Variants in DPYD observed in about 807,000 individuals in gnomAD.
The protein encoded by DPYD is dihydropyrimidine dehydrogenase, also known as dihydropyrimidine dehydrogenase [NADP(+)].
A neutral mutation model predicts 116.2 loss-of-function variants in DPYD; 109 were observed. The observed-to-expected ratio is 0.94, with a 90% confidence interval of 0.80 to 1.10. The LOEUF (loss-of-function observed/expected upper bound fraction) is 1.10. Ranked by LOEUF, DPYD falls within the 50% of genes least tolerant of loss-of-function variation. The pLI is 0.00. For synonymous variants in DPYD, 440 were observed against 432.0 expected (o/e 1.02, Z -0.23); for missense variants, 1,302 against 1,254.5 (o/e 1.04, Z -0.57).
intron 20 of DPYD, among the ~76,000 whole-genome samples, chr1:97,102,483 C>CTATA (rs1553213419): frequency 2.3e-4 from 18 of 78,914 alleles, no homozygotes; most frequent in African/African-American, 8.4e-4. Flanking sequence ...ATCTATCTAT[C>CTATA]TATCTATCTA....
chr1:97,202,586 A>G (rs186430315), intron 19 of DPYD, among the ~76,000 whole-genome samples: 1 of 152,320 alleles, frequency 6.6e-6, no homozygotes. Flanking sequence ...GCAGCATATG[A>G]TGGGCCACCC....
intron 19 of DPYD, among the ~76,000 whole-genome samples, chr1:97,227,982 C>T (rs1260252727): frequency 6.6e-6 from 1 of 151,790 alleles, no homozygotes; most frequent in African/African-American, 2.4e-5. Context: ...GGATTTACAA[C>T]CATCATTTTT....
At chr1:97,806,044 C>T (rs1031547393) in intron 3 of DPYD, among the ~76,000 whole-genome samples, 3 of 151,802 alleles carry the variant, frequency 2.0e-5, no homozygotes, top group Non-Finnish European at 4.4e-5. Context: ...AAATAAATGA[C>T]AGTAATGATA....
In DPYD at chr1:97,549,626, A is replaced by T; in HGVS notation, c.1458T>A (p.Ala486=). ...CATTCACCGATTCCACTGTAGTGTTAGCCAAACCAACGACATCACCACCTG... is the reference window on the plus strand; with the variant it reads ...CATTCACCGATTCCACTGTAGTGTTTGCCAAACCAACGACATCACCACCTG... ...VFAGGDVVGL[A]NTTVESVNDG... Residue 486 remains alanine (A), a synonymous_variant, in exon 12 of 23, where the codon GCT becomes GCA. Coordinates refer to ENST00000370192, the MANE Select transcript of DPYD (RefSeq NM_000110.4). The T allele has an allele frequency of 6.2e-7, 1 of 1,613,928 alleles. No individual in the cohort carries two copies. The highest frequency in any genetic ancestry group is 8.5e-7 in the Non-Finnish European group (1 of 1,179,876).
At chr1:97,600,141 T>G (rs111460739) in intron 8 of DPYD, among the ~76,000 whole-genome samples, 1,645 of 152,270 alleles carry the variant, frequency 0.011, 31 homozygotes, top group African/African-American at 0.037. Flanking sequence ...CAGGTGCTTT[T>G]TCAATAAGAC....
At chr1:97,550,669 A>G (rs1651254658) in intron 11 of DPYD, among the ~76,000 whole-genome samples, 1 of 152,166 alleles carries the variant, frequency 6.6e-6, no homozygotes, top group Admixed American at 6.6e-5. Context: ...TTTTAAGCAC[A>G]GCATCTCAGA....
chr1:97,785,583 G>T (rs1333672081), intron 3 of DPYD, among the ~76,000 whole-genome samples: 2 of 150,062 alleles, frequency 1.3e-5, no homozygotes, highest in African/African-American at 4.9e-5. Context: ...ACCTAAATAT[G>T]CAGTGAGTTT....
chr1:97,817,065 C>T (rs773419142), intron 3 of DPYD, among the ~76,000 whole-genome samples: 1 of 152,118 alleles, frequency 6.6e-6, no homozygotes, highest in Non-Finnish European at 1.5e-5. Flanking sequence ...ATCCAGATGG[C>T]TGCCTGTCTT....
intron 2 of DPYD, among the ~76,000 whole-genome samples, chr1:97,881,147 C>T (rs1672198207): frequency 6.6e-6 from 1 of 152,060 alleles, no homozygotes; most frequent in East Asian, 1.9e-4. Flanking sequence ...GAAGTCCTAA[C>T]CCCCACTATC....
intron 16 of DPYD, among the ~76,000 whole-genome samples, chr1:97,327,755 CTTAA>C (rs67005287): frequency 0.015 from 2,270 of 151,950 alleles, 35 homozygotes; most frequent in South Asian, 0.024. Flanking sequence ...CCCTATTTTA[CTTAA>C]TTATTTATTT....
intron 20 of DPYD, among the ~76,000 whole-genome samples, chr1:97,113,284 G>A (rs1335951240): frequency 6.6e-6 from 1 of 152,034 alleles, no homozygotes; most frequent in Non-Finnish European, 1.5e-5. Context: ...TTTCCATTTA[G>A]GGATAATCTG....
intron 12 of DPYD, among the ~76,000 whole-genome samples, chr1:97,541,773 A>C (rs923982604): frequency 4.6e-5 from 7 of 152,178 alleles, no homozygotes; most frequent in Non-Finnish European, 7.4e-5. Context: ...TTAAGGAATT[A>C]AACTAATTAA....
At chr1:97,568,170 T>G (rs1199411658) in intron 11 of DPYD, among the ~76,000 whole-genome samples, 1 of 152,074 alleles carries the variant, frequency 6.6e-6, no homozygotes, top group African/African-American at 2.4e-5. Flanking sequence ...CATGAATGTA[T>G]GAGCATCTGC....
intron 20 of DPYD, among the ~76,000 whole-genome samples, chr1:97,181,914 A>C (rs1657674706): frequency 6.6e-6 from 1 of 152,188 alleles, no homozygotes; most frequent in Admixed American, 6.6e-5. Flanking sequence ...TTCTGTGTAC[A>C]TATATGATTT....
chr1:97,358,114 C>T (rs1670515150), intron 16 of DPYD, among the ~76,000 whole-genome samples: 1 of 152,184 alleles, frequency 6.6e-6, no homozygotes, highest in African/African-American at 2.4e-5. Flanking sequence ...TGTGCTTTTC[C>T]AATGGTCTTA....
intron 18 of DPYD, among the ~76,000 whole-genome samples, chr1:97,239,633 T>C (rs900301785): frequency 1.3e-5 from 2 of 152,094 alleles, no homozygotes; most frequent in African/African-American, 2.4e-5. Context: ...TCACATTTGT[T>C]AGAACATTAT....
intron 20 of DPYD, among the ~76,000 whole-genome samples, chr1:97,148,733 G>A (rs998334776): frequency 3.3e-5 from 5 of 152,122 alleles, no homozygotes; most frequent in East Asian, 3.9e-4. Context: ...CTGGTGTCAC[G>A]ACAAACATCT....
At chr1:97,385,698 C>T (rs528291979) in intron 14 of DPYD, among the ~76,000 whole-genome samples, 1 of 152,170 alleles carries the variant, frequency 6.6e-6, no homozygotes, top group South Asian at 2.1e-4. Flanking sequence ...CAGGGTTCCA[C>T]AGAGGACAAG....
At chr1:97,137,316 T>C (rs1653886086) in intron 20 of DPYD, among the ~76,000 whole-genome samples, 1 of 152,220 alleles carries the variant, frequency 6.6e-6, no homozygotes, top group Non-Finnish European at 1.5e-5. Flanking sequence ...AATATTACTA[T>C]TGATTTGGCT....
Sources: allele counts gnomAD v4.1 joint callset (sites outside exome capture counted in the v4.1 genomes callset), GRCh38; gene constraint gnomAD v4.1.1; transcripts MANE v1.5; gene names NCBI Gene and HGNC (gene_info 2026-07-23, HGNC 2026-07-21).